PLEKHA4: variants seen among roughly 807,000 people sequenced by gnomAD.
PLEKHA4 encodes pleckstrin homology domain containing A4.
In PLEKHA4, 73 loss-of-function variants were observed where a neutral mutation model predicts 94.7. The observed-to-expected ratio is 0.77, with a 90% confidence interval of 0.64 to 0.94. The LOEUF is 0.94. Ranked by LOEUF, PLEKHA4 falls within the 40% of genes least tolerant of loss-of-function variation. The pLI is 0.00. For synonymous variants in PLEKHA4, 449 were observed against 437.1 expected (o/e 1.03, Z -0.34); for missense variants, 1,049 against 1,054.1 (o/e 1.00, Z 0.07).
intron 6 of PLEKHA4, 124 bp from the exon 7 acceptor site, chr19:48,859,808 C>T (rs1192355348): frequency 1.7e-5 from 15 of 866,518 alleles, no homozygotes; most frequent in Non-Finnish European, 2.5e-5. Context: ...AAATCATCGT[C>T]CCCCTTCTTC....
At chr19:48,843,344 A>G (rs2035837427) in intron 16 of PLEKHA4, among the ~76,000 whole-genome samples, 1 of 151,766 alleles carries the variant, frequency 6.6e-6, no homozygotes, top group African/African-American at 2.4e-5. Flanking sequence ...ACGCCTGGCT[A>G]ATTTTTTTGT....
In PLEKHA4 at chr19:48,861,635, G is replaced by A; in HGVS notation, c.250C>T (p.Leu84Phe). The A allele has an allele frequency of 3.7e-6, 6 of 1,614,222 alleles. No homozygotes were observed. Among genetic ancestry groups the A allele is most frequent in the Non-Finnish European group, 5.1e-6 (6 of 1,180,026 alleles). ...AGCCACTGACCCTTGTAATAAAAGAGGCAATGGCCGGAGAGGACGAACCAG... is the reference window on the plus strand; with the variant it reads ...AGCCACTGACCCTTGTAATAAAAGAAGCAATGGCCGGAGAGGACGAACCAG... Reference protein sequence around the residue: ...RRWFVLSGHCLFYYKDSREES... With the variant: ...RRWFVLSGHCFFYYKDSREES... The change falls in exon 4 of 20, where the codon CTC (leucine) becomes TTC (phenylalanine). Residue 84 changes from leucine to phenylalanine, a missense_variant. Transcript: ENST00000263265.
chr19:48,856,943 A>G (rs1263133159), intron 9 of PLEKHA4, among the ~76,000 whole-genome samples: 7 of 124,988 alleles, frequency 5.6e-5, no homozygotes, highest in Non-Finnish European at 1.1e-4. Flanking sequence ...AGAAAAGAAA[A>G]AGAAAGAGAA....
At position 48,867,003 on chromosome 19, in the gene PLEKHA4, G is replaced by T. The variant is rs932634247; in HGVS notation, c.84+534C>A. Among the ~76,000 whole-genome samples, 1 of 152,086 alleles carries T rather than the reference G, an allele frequency of 6.6e-6. No homozygotes were observed. Among genetic ancestry groups the T allele is most frequent in the Non-Finnish European group, 1.5e-5 (1 of 68,004 alleles). ...CTTGGAAGCGGTGGTACTGACCAAG[G>T]CTGAGATCAGATCTCTGGGCTCTGA... is the stretch of plus-strand genomic sequence containing the variant. On this transcript the variant is annotated intron_variant, in intron 2 of 19. Transcript: ENST00000263265. The surrounding 1 kb of genome is among the most constrained non-coding windows in gnomAD (Gnocchi z 4.7).
In PLEKHA4 at chr19:48,860,355, G is replaced by C; in HGVS notation, c.471C>G (p.Asp157Glu). 6.2e-7 allele frequency: 1 copy of C among 1,613,104 alleles called. No individual in the cohort carries two copies. The highest frequency in any genetic ancestry group is 8.5e-7 in the Non-Finnish European group (1 of 1,179,502). Residue 157 changes from aspartate (D) to glutamate (E), a missense_variant, in exon 6 of 20, where the codon GAC becomes GAG. Coordinates refer to ENST00000263265, the MANE Select transcript of PLEKHA4 (RefSeq NM_020904.3). ...TGGCTTGGACCTCTACTCACTAGTC[G>C]TCCCCCTCCGCACGGGAGGCCCGGC... ...ALGRASRAEG[D>E]DYGQPRSPAR...
At chr19:48,838,356 A>G (rs181843698) in intron 18 of PLEKHA4, 2 of 319,178 alleles carry the variant, frequency 6.3e-6, no homozygotes, top group East Asian at 1.0e-4. Flanking sequence ...TGGATACCCT[A>G]TTCCCGATGA....
At chr19:48,850,275 G>A (rs1413827953) in intron 13 of PLEKHA4, among the ~76,000 whole-genome samples, 1 of 151,966 alleles carries the variant, frequency 6.6e-6, no homozygotes, top group Non-Finnish European at 1.5e-5. Context: ...GGAGGCCGAG[G>A]CGGGTGGATC....
At chr19:48,841,017 CTG>C in intron 17 of PLEKHA4, 130 bp downstream of exon 17, 2 of 892,158 alleles carry the variant, frequency 2.2e-6, no homozygotes, top group Middle Eastern at 2.5e-4. Context: ...CAAGTACAAA[CTG>C]GGGTAAATTC....
intron 8 of PLEKHA4, 54 bp downstream of exon 8, chr19:48,858,806 A>C: frequency 6.3e-7 from 1 of 1,598,066 alleles, no homozygotes; most frequent in Non-Finnish European, 8.6e-7. Context: ...ACGGAAAGAC[A>C]GCCCTGAGGC....
At chr19:48,855,776 G>A (rs1482181007) in intron 9 of PLEKHA4, among the ~76,000 whole-genome samples, 1 of 151,174 alleles carries the variant, frequency 6.6e-6, no homozygotes, top group Non-Finnish European at 1.5e-5. Flanking sequence ...GTGACAGAGT[G>A]AGACTCTGTC....
At chr19:48,860,322 C>T (rs765508040) in intron 6 of PLEKHA4, 28 bp downstream of exon 6, 2 of 1,582,428 alleles carry the variant, frequency 1.3e-6, no homozygotes, top group Non-Finnish European at 8.7e-7. Context: ...GGTGGAGGGT[C>T]AGGAGCATGG....
chr19:48,852,761 C>T (rs1045477741), intron 12 of PLEKHA4, among the ~76,000 whole-genome samples: 2 of 151,992 alleles, frequency 1.3e-5, no homozygotes, highest in Non-Finnish European at 2.9e-5. Context: ...GGTGAAACCC[C>T]GTCCCTACTA....
At chr19:48,838,179 G>T in intron 18 of PLEKHA4, 50 bp from the exon 19 acceptor site, 1 of 1,074,242 alleles carries the variant, frequency 9.3e-7, no homozygotes, top group Non-Finnish European at 1.4e-6. Flanking sequence ...TGGGGGAGAG[G>T]TGGGGGATGG....
rs929828011 is a variant in PLEKHA4, at chr19:48,837,196, C to T, written c.*93G>A. On this transcript the variant is annotated 3_prime_UTR_variant, in exon 20 of 20. Transcript: ENST00000263265. This position sits in a 1 kb window ranked among gnomAD's most constrained non-coding sequence, Gnocchi z 4.3. ...TCCCGGGCCCGCAATGGGGACCAGACCACGCCCCCTGATGCCCTGAGTGGT... is the reference window on the plus strand; with the variant it reads ...TCCCGGGCCCGCAATGGGGACCAGATCACGCCCCCTGATGCCCTGAGTGGT... 3.8e-5 allele frequency: 60 copies of T among 1,583,872 alleles called. No individual in the cohort carries two copies. The highest frequency in any genetic ancestry group is 4.9e-5 in the Non-Finnish European group (56 of 1,154,148).
In PLEKHA4 at chr19:48,859,040, T is replaced by TG. The variant is rs1231735743; in HGVS notation, c.791dup (p.Pro265ThrfsTer13). 2 of 1,232,612 alleles carry TG rather than the reference T, an allele frequency of 1.6e-6. No homozygotes were observed. The highest frequency in any genetic ancestry group is 2.1e-6 in the Non-Finnish European group (2 of 971,444). 76.4% of individuals were successfully genotyped at this position (1,232,612 alleles called of 1,614,324 possible). On this transcript the variant is annotated frameshift_variant, in exon 8 of 20. Transcript: ENST00000263265. LOFTEE classifies it high-confidence loss of function. ...ACGGGGTGTGAGGTCGGGCAGGGGG[T>TG]GCTGTGTCTCCTGAGGGGGCAGGGG...
At chr19:48,861,235 C>A (rs938565604) in intron 5 of PLEKHA4, among the ~76,000 whole-genome samples, 166 bp downstream of exon 5, 1 of 151,982 alleles carries the variant, frequency 6.6e-6, no homozygotes, top group Non-Finnish European at 1.5e-5. Flanking sequence ...AAAAACAAAC[C>A]AAAACAAAAC....
chr19:48,860,403 C>T lies in PLEKHA4; in HGVS notation c.423G>A (p.Leu141=). Residue 141 remains leucine, a synonymous_variant, in exon 6 of 20, where the codon CTG becomes CTA. Coordinates refer to ENST00000263265, the MANE Select transcript of PLEKHA4 (RefSeq NM_020904.3). ...YVLAADTLED[L]RGWLRALGRA... is the part of the protein sequence containing the mutation. ...GGCCCAGCGCCCGTAGCCAGCCCCG[C>T]AGGTCTTCTAAGGTGTCAGCGGCCA... 1.9e-6 allele frequency: 3 copies of T among 1,614,146 alleles called. No homozygotes were observed. Among genetic ancestry groups the T allele is most frequent in the Non-Finnish European group, 2.5e-6 (3 of 1,180,038 alleles).
intron 14 of PLEKHA4, among the ~76,000 whole-genome samples, chr19:48,845,860 A>G (rs967468600): frequency 5.9e-5 from 9 of 151,280 alleles, no homozygotes; most frequent in Non-Finnish European, 8.8e-5. Flanking sequence ...AAAATACAAA[A>G]ATTAGCTGGG....
chr19:48,862,835 G>A (rs2036696560), intron 3 of PLEKHA4, among the ~76,000 whole-genome samples: 1 of 152,182 alleles, frequency 6.6e-6, no homozygotes, highest in Non-Finnish European at 1.5e-5. Flanking sequence ...CTATGCTCTG[G>A]AACAAGTCAT....
Sources: allele counts gnomAD v4.1 joint callset (sites outside exome capture counted in the v4.1 genomes callset), GRCh38; gene constraint gnomAD v4.1.1; non-coding constraint Gnocchi (gnomAD v3.1); transcripts MANE v1.5; gene names NCBI Gene and HGNC (gene_info 2026-07-23, HGNC 2026-07-21).